The following RALYL variants were observed in gnomAD, a reference collection of about 807,000 sequenced individuals.
RALYL encodes the protein RALY RNA binding protein like.
In RALYL, 29 loss-of-function variants were observed where a neutral mutation model predicts 35.1. The ratio of observed to expected loss-of-function variants is 0.83; its 90% CI spans 0.61 to 1.13. RALYL has a LOEUF of 1.13. Among genes scored for constraint, RALYL ranks in the 50% most tolerant of loss-of-function variants. The probability of loss-of-function intolerance (pLI) is 0.00; values close to 1 mark genes in which losing one functional copy is unlikely to be tolerated. For synonymous variants in RALYL, 120 were observed against 127.6 expected (o/e 0.94, Z 0.40); for missense variants, 359 against 360.4 (o/e 1.00, Z 0.03).
intron 1 of RALYL, among the ~76,000 whole-genome samples, chr8:84,418,405 A>G (rs888594795): frequency 6.6e-6 from 1 of 152,154 alleles, no homozygotes; most frequent in African/African-American, 2.4e-5. Flanking sequence ...TAGTATTACA[A>G]ATGTCTATGA....
chr8:84,712,794 T>C (rs1017168770), intron 2 of RALYL, among the ~76,000 whole-genome samples: 1 of 149,638 alleles, frequency 6.7e-6, no homozygotes, highest in African/African-American at 2.5e-5. Flanking sequence ...GATAAAAGAA[T>C]TATACATGTG....
At chr8:84,367,879 G>T (rs1854819627) in intron 1 of RALYL, among the ~76,000 whole-genome samples, 1 of 152,088 alleles carries the variant, frequency 6.6e-6, no homozygotes, top group Non-Finnish European at 1.5e-5. Context: ...ATATCCCATT[G>T]ATTTAAAGTT....
At chr8:84,550,956 TA>T (rs1165283685) in intron 2 of RALYL, among the ~76,000 whole-genome samples, 10 of 151,942 alleles carry the variant, frequency 6.6e-5, no homozygotes, top group African/African-American at 2.2e-4. Flanking sequence ...GGTATAAATA[TA>T]AACTTACATT....
chr8:84,510,603 G>A (rs1316579191), intron 1 of RALYL, among the ~76,000 whole-genome samples: 1 of 152,064 alleles, frequency 6.6e-6, no homozygotes, highest in Non-Finnish European at 1.5e-5. Context: ...CTGAGGTCAC[G>A]AGTTCAAGAC....
chr8:84,508,853 A>ACT (rs1341069557), intron 1 of RALYL, among the ~76,000 whole-genome samples: 1 of 151,938 alleles, frequency 6.6e-6, no homozygotes, highest in East Asian at 1.9e-4. Context: ...TATAATAAAA[A>ACT]CAATCTTTTC....
chr8:84,227,904 G>T (rs140985606), intron 1 of RALYL, among the ~76,000 whole-genome samples: 242 of 151,920 alleles, frequency 1.6e-3, no homozygotes, highest in African/African-American at 5.4e-3. Flanking sequence ...ACCAAATATT[G>T]ATCAAAAACT....
At chr8:84,689,735 A>C (rs182273741) in intron 2 of RALYL, among the ~76,000 whole-genome samples, 1,626 of 152,118 alleles carry the variant, frequency 0.011, 45 homozygotes, top group Non-Finnish European at 0.01. Context: ...CCTCTCCAGC[A>C]CCTGTTGTTT....
At chr8:84,839,240 G>T (rs905934609) in intron 4 of RALYL, among the ~76,000 whole-genome samples, 1 of 152,306 alleles carries the variant, frequency 6.6e-6, no homozygotes, top group East Asian at 1.9e-4. Flanking sequence ...GGTGACAGAC[G>T]GCACCTGGAA....
chr8:84,854,662 T>G (rs1836607973), intron 5 of RALYL, among the ~76,000 whole-genome samples: 1 of 152,212 alleles, frequency 6.6e-6, no homozygotes, highest in Non-Finnish European at 1.5e-5. Context: ...CAGGGCTAAT[T>G]GCATATAGAA....
intron 2 of RALYL, among the ~76,000 whole-genome samples, chr8:84,683,908 A>T (rs761942711): frequency 1.3e-5 from 2 of 151,854 alleles, no homozygotes; most frequent in Admixed American, 6.6e-5. Flanking sequence ...CTGATCTCGA[A>T]CTCCCGATCA....
At chr8:84,758,702 A>G (rs1812005515) in intron 2 of RALYL, among the ~76,000 whole-genome samples, 1 of 152,254 alleles carries the variant, frequency 6.6e-6, no homozygotes, top group South Asian at 2.1e-4. Context: ...AAGATGAAAG[A>G]CACCATCTTT....
intron 2 of RALYL, among the ~76,000 whole-genome samples, chr8:84,561,363 A>G (rs2061457390): frequency 1.3e-5 from 2 of 151,968 alleles, no homozygotes; most frequent in Admixed American, 1.3e-4. Flanking sequence ...GATTTAGCTA[A>G]AGGCCACAAA....
intron 1 of RALYL, among the ~76,000 whole-genome samples, chr8:84,215,974 T>A (rs998169050): frequency 3.3e-5 from 5 of 152,152 alleles, no homozygotes; most frequent in African/African-American, 7.2e-5. Context: ...TGAGAAAATA[T>A]AATATTCTCA....
chr8:84,288,665 G>A (rs1271511056), intron 1 of RALYL, among the ~76,000 whole-genome samples: 1 of 152,138 alleles, frequency 6.6e-6, no homozygotes, highest in East Asian at 1.9e-4. Context: ...AATGAGAAGA[G>A]ATGCAAGATA....
intron 4 of RALYL, among the ~76,000 whole-genome samples, chr8:84,808,772 A>C (rs1563650737): frequency 6.6e-6 from 1 of 152,040 alleles, no homozygotes; most frequent in Non-Finnish European, 1.5e-5. Flanking sequence ...CAGCCATCGT[A>C]AAGTGGATTG....
At chr8:84,691,602 A>T (rs10504808) in intron 2 of RALYL, among the ~76,000 whole-genome samples, 1 of 151,766 alleles carries the variant, frequency 6.6e-6, no homozygotes, top group Non-Finnish European at 1.5e-5. Flanking sequence ...TTCTAAACCA[A>T]ACATGCTGGG....
At chr8:84,259,233 C>T (rs1413241764) in intron 1 of RALYL, among the ~76,000 whole-genome samples, 1 of 152,092 alleles carries the variant, frequency 6.6e-6, no homozygotes, top group Admixed American at 6.5e-5. Flanking sequence ...ATGAAATGAC[C>T]CGCCTTTACA....
At chr8:84,650,665 G>A (rs1467109713) in intron 2 of RALYL, among the ~76,000 whole-genome samples, 25 of 151,860 alleles carry the variant, frequency 1.6e-4, no homozygotes, top group Non-Finnish European at 3.2e-4. Flanking sequence ...TCAGTGTGGC[G>A]ATTCCTCAGG....
chr8:84,709,623 A>T (rs1034248437), intron 2 of RALYL, among the ~76,000 whole-genome samples: 1 of 151,970 alleles, frequency 6.6e-6, no homozygotes, highest in Non-Finnish European at 1.5e-5. Context: ...TTAAAAAAAA[A>T]ACTTCATACT....
Sources: allele counts gnomAD v4.1 joint callset (sites outside exome capture counted in the v4.1 genomes callset), GRCh38; gene constraint gnomAD v4.1.1; transcripts MANE v1.5; gene names NCBI Gene and HGNC (gene_info 2026-07-23, HGNC 2026-07-21).